Variants in DUOX2 observed in about 807,000 individuals in gnomAD.
DUOX2 encodes NADH/NADPH thyroid oxidase p138-tox.
A neutral mutation model predicts 183.3 loss-of-function variants in DUOX2; 185 were observed. The ratio of observed to expected loss-of-function variants is 1.01; its 90% confidence interval spans 0.90 to 1.14. The LOEUF is 1.14. Ranked by LOEUF, DUOX2 falls within the 50% of genes most tolerant of loss-of-function variation. The pLI, the probability that DUOX2 is intolerant of heterozygous loss-of-function variation, is 0.00. For synonymous variants in DUOX2, 788 were observed against 812.4 expected (o/e 0.97, Z 0.51); for missense variants, 1,999 against 2,022.9 (o/e 0.99, Z 0.23).
rs558999154 is a variant in DUOX2 at position 45,099,168 on chromosome 15, G to A, written c.3515+215C>T. ...TGGGATTACAGGCGCCCACCACCAC[G>A]CCCGGCTAATTTTTTGTATTTTTAG... On this transcript the variant is annotated intron_variant, in intron 26 of 33. Transcript: ENST00000389039. The A allele has an allele frequency of 3.8e-3, 1,650 of 438,732 alleles. 5 individuals are homozygous for A. The highest frequency in any genetic ancestry group is 5.6e-3 in the Non-Finnish European group (1,299 of 231,970). The allele number at this position is 438,732 out of a possible 1,614,324, so 27.2% of individuals were successfully genotyped here. A position where few individuals can be genotyped will look rare whatever the true frequency, so the allele number is the denominator to read the frequency against.
At position 45,111,147 on chromosome 15, in the gene DUOX2, G is replaced by T. The variant is rs987194286; in HGVS notation, c.846C>A (p.Phe282Leu). 1.6e-6 allele frequency: 2 copies of T among 1,288,430 alleles called. No homozygotes were observed. Among genetic ancestry groups the T allele is most frequent in the African/African-American group, 3.2e-5 (2 of 62,858 alleles). 79.8% of individuals were successfully genotyped at this position (1,288,430 alleles called of 1,614,324 possible). ...QHPDWEDEEL[F>L]QHARKRVIAT... Reference sequence around the variant, plus strand: ...CGATGACCCTCTTGCGTGCGTGCTGGAACAGCTCCTCGTCCTCCCAGTCTG... The same window carrying T: ...CGATGACCCTCTTGCGTGCGTGCTGTAACAGCTCCTCGTCCTCCCAGTCTG... Residue 282 changes from phenylalanine to leucine, a missense_variant, in exon 7 of 34, where the codon TTC becomes TTA. Coordinates refer to ENST00000389039, the MANE Select transcript of DUOX2 (RefSeq NM_001363711.2).
At position 45,101,972 on chromosome 15, in the gene DUOX2, G is replaced by C. The variant is rs771981600; in HGVS notation, c.2672C>G (p.Ser891Cys). The change falls in exon 21 of 34, where the codon TCC becomes TGC. Residue 891 changes from serine to cysteine, a missense_variant. Physicochemically the swap from Ser to Cys is moderately radical, Grantham distance 112. Around this residue, in one of 3 missense-constraint regions of DUOX2, gnomAD observed 1,628 missense variants for 1,608.6 expected, o/e 1.01. Coordinates refer to ENST00000389039, the MANE Select transcript of DUOX2 (RefSeq NM_001363711.2). ...FTMMRSFIEI[S>C]NNCLSKAQLA... is the part of the protein sequence containing the mutation. ...CTGGGCCTTGGACAGGCAGTTGTTG[G>C]AGATCTCGATGAAGGATCTGGAGGA... The C allele has an allele frequency of 1.2e-6, 2 of 1,614,024 alleles. No homozygotes were observed. The highest frequency in any genetic ancestry group is 1.7e-5 in the Admixed American group (1 of 60,002).
At position 45,111,955 on chromosome 15, in the gene DUOX2, C is replaced by G. The variant is rs1291482518; in HGVS notation, c.326G>C (p.Gly109Ala). ...CACCACGTCGGAAAGAACATGGTAG[C>G]CTGCGGGCATGGGGCGCCAATACGT... The part of the protein sequence containing the change: ...HNRTVLGVFF[G>A]YHVLSDVVSV... The change falls in exon 5 of 34, where the codon GGC becomes GCC. Residue 109 changes from glycine (G) to alanine (A), a missense_variant and splice_region_variant. Coordinates refer to ENST00000389039, the MANE Select transcript of DUOX2 (RefSeq NM_001363711.2). 5 of 1,613,350 alleles carry G rather than the reference C, an allele frequency of 3.1e-6. No individual in the cohort carries two copies. The African/African-American group carries it at 6.7e-5, about 22-fold the overall frequency.
Position 45,101,822 on chromosome 15 carries a change from CAG to C in DUOX2, c.2820_2821del (p.Val942GlnfsTer11), listed in dbSNP as rs1894088925. The C allele has an allele frequency of 6.2e-7, 1 of 1,614,134 alleles. No individual in the cohort carries two copies. On this transcript the variant is annotated frameshift_variant, in exon 21 of 34. Coordinates refer to ENST00000389039, the MANE Select transcript of DUOX2 (RefSeq NM_001363711.2). LOFTEE classifies it high-confidence loss of function. Reference sequence around the variant, plus strand: ...TCCACCTCCACCTCCACCTTTGACACAGAGCTGCGTGAAGCGGAGCTCGCTGT... The same window carrying C: ...TCCACCTCCACCTCCACCTTTGACACAGCTGCGTGAAGCGGAGCTCGCTGT...
In DUOX2 at chr15:45,105,728, C is replaced by G; in HGVS notation, c.2249G>C (p.Ser750Thr). The change falls in exon 18 of 34, where the codon AGC becomes ACC. Residue 750 changes from serine (S) to threonine (T), a missense_variant. By Grantham distance (58) the Ser-to-Thr change is moderately conservative. Around this residue, in one of 3 missense-constraint regions of DUOX2, gnomAD observed 1,628 missense variants for 1,608.6 expected, o/e 1.01. Coordinates refer to ENST00000389039, the MANE Select transcript of DUOX2 (RefSeq NM_001363711.2). Reference protein sequence around the residue: ...WALGLHVAEMSEKELFRKAVT... With the variant: ...WALGLHVAEMTEKELFRKAVT... ...AGCCTTCCTAAATAGCTCCTTCTCG[C>G]TCATCTCAGCCACATGGAGGCCCAG... The G allele has an allele frequency of 6.2e-7, 1 of 1,614,252 alleles. No homozygotes were observed. The highest frequency in any genetic ancestry group is 8.5e-7 in the Non-Finnish European group (1 of 1,180,046).
chr15:45,112,658 T>C lies in DUOX2; in HGVS notation c.221A>G (p.Glu74Gly). 1 of 1,612,866 alleles carries C rather than the reference T, an allele frequency of 6.2e-7. No homozygotes were observed. Among genetic ancestry groups the C allele is most frequent in the Non-Finnish European group, 8.5e-7 (1 of 1,179,894 alleles). ...GCGCGGGTTGGGCAGCTGCGGCTCC[T>C]CCAGAGCCTGATACACACCGTCGGC... ...NYADGVYQALEEPQLPNPRRL... is the reference protein window; with the variant it reads ...NYADGVYQALGEPQLPNPRRL... The change falls in exon 4 of 34, where the codon GAG becomes GGG. Residue 74 changes from glutamate (E) to glycine (G), a missense_variant. By Grantham distance (98) the Glu-to-Gly change is moderately conservative (BLOSUM62 -2). Coordinates refer to ENST00000389039, the MANE Select transcript of DUOX2 (RefSeq NM_001363711.2).
In DUOX2 at chr15:45,106,925, G is replaced by A. The variant is rs563416210; in HGVS notation, c.1738C>T (p.Pro580Ser). 7.6e-6 allele frequency: 12 copies of A among 1,580,984 alleles called. No individual in the cohort carries two copies. In the Middle Eastern group the frequency reaches 5.0e-4, roughly 66 times the overall value. ...AGCACAGTCAGGGGTGCACACTGGG[G>A]CAGGCCGTCAGTTGTGAGCTGCTTA... ...QPKQLTTDGL[P>S]QCAPLTVLDF... Residue 580 changes from proline (P) to serine (S), a missense_variant, in exon 15 of 34, where the codon CCC becomes TCC. Physicochemically the swap from Pro to Ser is moderately conservative, Grantham distance 74 (BLOSUM62 -1). Around this residue, in one of 3 missense-constraint regions of DUOX2, gnomAD observed 1,628 missense variants for 1,608.6 expected, o/e 1.01. Coordinates refer to ENST00000389039, the MANE Select transcript of DUOX2 (RefSeq NM_001363711.2).
chr15:45,108,422 T>G, intron 12 of DUOX2, 200 bp from the exon 13 acceptor site: 2 of 640,322 alleles, frequency 3.1e-6, no homozygotes, highest in Non-Finnish European at 5.4e-6. Flanking sequence ...AACACCACGG[T>G]CAGGTGCCCT....
At chr15:45,112,899 G>A (rs1894484619) in intron 3 of DUOX2, 88 bp downstream of exon 3, 1 of 1,559,268 alleles carries the variant, frequency 6.4e-7, no homozygotes, top group Non-Finnish European at 8.8e-7. Context: ...CTGGGCGCGT[G>A]TTCCCCGCAG....
rs776559348 is a variant in DUOX2 at position 45,104,345 on chromosome 15, G to T, written c.2355C>A (p.Ala785=). ...AGTCCAGGGGCAGGGTCCCTGCGTC[G>T]GCCTGGTTGATGTCCAGCACCTGCA... ...LFAQVLDINQ[A]DAGTLPLDSS... The change falls in exon 19 of 34, where the codon GCC becomes GCA. Residue 785 remains alanine, a synonymous_variant. Transcript: ENST00000389039. 2 of 1,613,776 alleles carry T rather than the reference G, an allele frequency of 1.2e-6. No homozygotes were observed. The highest frequency in any genetic ancestry group is 1.7e-5 in the Admixed American group (1 of 59,980).
In DUOX2 at chr15:45,113,346, T is replaced by C; in HGVS notation, c.66A>G (p.Pro22=). Residue 22 remains proline (P), a synonymous_variant, in exon 2 of 34, where the codon CCA becomes CCG. Coordinates refer to ENST00000389039, the MANE Select transcript of DUOX2 (RefSeq NM_001363711.2). ...LGALLTGSLG[P]SGSQDALSLP... ...CTAGAGGAGCCTGATACTTGCCCGA[T>C]GGACCCAGGGATCCAGTCAGAAGAG... The C allele has an allele frequency of 3.2e-6, 5 of 1,561,638 alleles. No individual in the cohort carries two copies. The highest frequency in any genetic ancestry group is 4.3e-6 in the Non-Finnish European group (5 of 1,151,810).
In DUOX2 at chr15:45,104,375, G is replaced by T. The variant is rs748597001; in HGVS notation, c.2335-10C>A. On this transcript the variant is annotated splice_polypyrimidine_tract_variant and intron_variant, in intron 18 of 33. Transcript: ENST00000389039. ...GGTTGATGTCCAGCACCTGCACTCG[G>T]GCAGCAGCAGAGGGAGGGAAAGAGA... 8 of 1,612,512 alleles carry T rather than the reference G, an allele frequency of 5.0e-6. No homozygotes were observed. The highest frequency in any genetic ancestry group is 6.8e-6 in the Non-Finnish European group (8 of 1,179,356).
Position 45,095,044 on chromosome 15 carries a change from C to T in DUOX2, c.4287G>A (p.Leu1429=). Residue 1429 remains leucine (L), a synonymous_variant, in exon 32 of 34, where the codon CTG becomes CTA. Transcript: ENST00000389039. ...CCTCCACCTCTTGGATGATGTCAGCCAGCCACTCAAACTGACGCTGGGTCC... is the reference window on the plus strand; with the variant it reads ...CCTCCACCTCTTGGATGATGTCAGCTAGCCACTCAAACTGACGCTGGGTCC... ...VTRTQRQFEW[L]ADIIQEVEEN... 6.2e-7 allele frequency: 1 copy of T among 1,614,166 alleles called. No individual in the cohort carries two copies. Among genetic ancestry groups the T allele is most frequent in the Non-Finnish European group, 8.5e-7 (1 of 1,180,018 alleles).
At position 45,106,162 on chromosome 15, in the gene DUOX2, C is replaced by T. The variant is rs774641205; in HGVS notation, c.2111G>A (p.Arg704His). Residue 704 changes from arginine to histidine, a missense_variant, in exon 17 of 34, where the codon CGC becomes CAC. Transcript: ENST00000389039. ...CTTAGGGATCTTGAGCAGCAGGGTG[C>T]GGCATCCTCGGTTGTTGGACAGGAT... ...NLILSNNRGC[R>H]TLLLKIPKEY... The T allele has an allele frequency of 8.1e-6, 13 of 1,614,164 alleles. No homozygotes were observed. The highest frequency in any genetic ancestry group is 6.6e-5 in the South Asian group (6 of 91,080).
At position 45,109,509 on chromosome 15, in the gene DUOX2, T is replaced by C; in HGVS notation, c.1234+15A>G. The C allele has an allele frequency of 6.8e-6, 11 of 1,612,882 alleles. No homozygotes were observed. Among genetic ancestry groups the C allele is most frequent in the Non-Finnish European group, 9.3e-6 (11 of 1,178,926 alleles). On this transcript the variant is annotated intron_variant, in intron 11 of 33. Coordinates refer to ENST00000389039, the MANE Select transcript of DUOX2 (RefSeq NM_001363711.2). The stretch of plus-strand genomic sequence containing the variant: ...CTGGTCCCTTACCATCCACCCCTTC[T>C]GGCTCTGAGCTCACCCCTCAGATCT...
At chr15:45,109,430 A>T in intron 11 of DUOX2, 94 bp downstream of exon 11, 1 of 1,039,656 alleles carries the variant, frequency 9.6e-7, no homozygotes, top group African/African-American at 1.6e-5. Context: ...GTGTTCCTGC[A>T]TCGTGAGCGC....
chr15:45,101,682 C>T, intron 21 of DUOX2, 111 bp downstream of exon 21: 4 of 1,400,320 alleles, frequency 2.9e-6, no homozygotes, highest in Non-Finnish European at 4.0e-6. Context: ...TGGTTCTATA[C>T]TAGGTACCAA....
At chr15:45,111,668 T>C in intron 5 of DUOX2, 83 bp from the exon 6 acceptor site, 2 of 1,445,112 alleles carry the variant, frequency 1.4e-6, no homozygotes, top group Admixed American at 2.9e-5. Context: ...TGTCCGCGGC[T>C]GGGGAGTGGG....
At position 45,113,329 on chromosome 15, in the gene DUOX2, G is replaced by C. The variant is rs1313121534; in HGVS notation, c.70+13C>G. On this transcript the variant is annotated intron_variant, in intron 2 of 33. Coordinates refer to ENST00000389039, the MANE Select transcript of DUOX2 (RefSeq NM_001363711.2). ...TGGGGAACACCCCGCCGCTAGAGGA[G>C]CCTGATACTTGCCCGATGGACCCAG... 1.9e-6 allele frequency: 3 copies of C among 1,556,988 alleles called. No individual in the cohort carries two copies. In the South Asian group the frequency reaches 3.5e-5, roughly 18 times the overall value.
Sources: gnomAD v4.1 joint callset for allele counts on GRCh38, gnomAD v4.1.1 for gene constraint, gnomAD v4.1.1 regional missense constraint, MANE v1.5 for transcripts, NCBI Gene and HGNC (gene_info 2026-07-23, HGNC 2026-07-21) for gene names.